Variants in ZNF529 observed in about 807,000 individuals in gnomAD.
The protein encoded by ZNF529 is zinc finger protein 529.
A neutral mutation model predicts 10.1 loss-of-function variants in ZNF529; 11 were observed. The observed-to-expected ratio is 1.09, with a 90% CI of 0.69 to 1.81. The LOEUF (loss-of-function observed/expected upper bound fraction) is 1.81. Ranked by LOEUF, ZNF529 falls within the 40% of genes most tolerant of loss-of-function variation. The pLI is 0.00. For synonymous variants in ZNF529, 204 were observed against 215.7 expected (o/e 0.95, Z 0.47); for missense variants, 624 against 666.8 (o/e 0.94, Z 0.71).
At position 36,559,455 on chromosome 19, in the gene ZNF529, T is replaced by C. The variant is rs1008905643; in HGVS notation, c.15-3258A>G. 3.9e-5 allele frequency among the ~76,000 whole-genome samples: 6 copies of C among 152,320 alleles called. No individual in the cohort carries two copies. The East Asian group carries it at 1.2e-3, about 29-fold the overall frequency. On this transcript the variant is annotated intron_variant, in intron 2 of 4. Coordinates refer to ENST00000591340, the MANE Select transcript of ZNF529 (RefSeq NM_020951.5). ...TCCTGAGTAGCTGGGATTACAGGCATGTGGCACCATGCCCAGCTAAGTTCT... is the reference window on the plus strand; with the variant it reads ...TCCTGAGTAGCTGGGATTACAGGCACGTGGCACCATGCCCAGCTAAGTTCT...
upstream of ZNF529, chr19:36,573,571 T>C: frequency 2.3e-6 from 1 of 428,592 alleles, no homozygotes; most frequent in South Asian, 1.6e-5. Flanking sequence ...GAGGACAGAA[T>C]GGGGAACAGG....
At chr19:36,566,229 A>C (rs1283681994) in intron 2 of ZNF529, among the ~76,000 whole-genome samples, 1 of 152,214 alleles carries the variant, frequency 6.6e-6, no homozygotes, top group African/African-American at 2.4e-5. Context: ...AGTGAACCTG[A>C]AAGTGGTCTT....
Position 36,548,140 on chromosome 19 carries a change from T to A in ZNF529, c.418A>T (p.Ser140Cys). The A allele has an allele frequency of 1.2e-6, 2 of 1,613,914 alleles. No individual in the cohort carries two copies. Among genetic ancestry groups the A allele is most frequent in the Non-Finnish European group, 1.7e-6 (2 of 1,179,846 alleles). Residue 140 changes from serine (S) to cysteine (C), a missense_variant, in exon 5 of 5, where the codon AGT becomes TGT. Physicochemically the swap from Ser to Cys is moderately radical, Grantham distance 112. Coordinates refer to ENST00000591340, the MANE Select transcript of ZNF529 (RefSeq NM_020951.5). ...DLQGPEVGYF[S>C]QMKIISENVP... Reference sequence around the variant, plus strand: ...TTTTCAGAGATGATTTTCATTTGACTGAAATATCCCACTTCAGGTCCTTGT... The same window carrying A: ...TTTTCAGAGATGATTTTCATTTGACAGAAATATCCCACTTCAGGTCCTTGT...
intron 4 of ZNF529, among the ~76,000 whole-genome samples, chr19:36,552,202 G>C (rs548671414): frequency 1.3e-5 from 2 of 151,984 alleles, no homozygotes; most frequent in Non-Finnish European, 2.9e-5. Flanking sequence ...AGGCCAAGGC[G>C]GGCAGATCAC....
In ZNF529 at chr19:36,546,403, A is replaced by AAAC. The variant is rs10678581; in HGVS notation, c.*460_*462dup. 0.44 allele frequency: 41,929 copies of AAAC among 95,730 alleles called. 6,327 individuals carry two copies. The highest frequency in any genetic ancestry group is 0.5 in the Non-Finnish European group (23,614 of 46,964). The allele number at this position is 95,730 out of a possible 1,614,324, so 5.9% of individuals were successfully genotyped here. A position where few individuals can be genotyped will look rare whatever the true frequency, so the allele number is the denominator to read the frequency against. On this transcript the variant is annotated 3_prime_UTR_variant, in exon 5 of 5. Transcript: ENST00000591340. ...CACTTCTATCATTTAAAACAAAACA[A>AAAC]AACAACATTACACAAAATGATGAGC...
chr19:36,571,246 A>C (rs1488412961), intron 2 of ZNF529, among the ~76,000 whole-genome samples: 3 of 152,242 alleles, frequency 2.0e-5, no homozygotes, highest in Admixed American at 1.3e-4. Context: ...AGATTTTGAA[A>C]ACTTGGTATA....
In ZNF529 at chr19:36,546,856, T is replaced by C. The variant is rs764694417; in HGVS notation, c.*10A>G. ...AAATCAGAAATAAAAAACCACTTTA[T>C]ACATTTATTTCAGTCAAATGATTTC... On this transcript the variant is annotated 3_prime_UTR_variant, in exon 5 of 5. Coordinates refer to ENST00000591340, the MANE Select transcript of ZNF529 (RefSeq NM_020951.5). 1 of 1,594,734 alleles carries C rather than the reference T, an allele frequency of 6.3e-7. No homozygotes were observed. Among genetic ancestry groups the C allele is most frequent in the Non-Finnish European group, 8.5e-7 (1 of 1,170,816 alleles).
Position 36,546,772 on chromosome 19 carries a change from A to G in ZNF529, c.*94T>C. ...GAAGTCTAAAAACAGACTTTAAGAGAGGGAGATACTGAATTGCCTTGATTA... is the reference window on the plus strand; with the variant it reads ...GAAGTCTAAAAACAGACTTTAAGAGGGGGAGATACTGAATTGCCTTGATTA... On this transcript the variant is annotated 3_prime_UTR_variant, in exon 5 of 5. Coordinates refer to ENST00000591340, the MANE Select transcript of ZNF529 (RefSeq NM_020951.5). 1 of 1,325,296 alleles carries G rather than the reference A, an allele frequency of 7.5e-7. No individual in the cohort carries two copies. Among genetic ancestry groups the G allele is most frequent in the South Asian group, 1.5e-5 (1 of 67,328 alleles). The allele number at this position is 1,325,296 out of a possible 1,614,324, so 82.1% of individuals were successfully genotyped here. A position where few individuals can be genotyped will look rare whatever the true frequency, so the allele number is the denominator to read the frequency against.
At chr19:36,572,210 A>G in intron 2 of ZNF529, 123 bp downstream of exon 2, 1 of 1,004,178 alleles carries the variant, frequency 1.0e-6, no homozygotes, top group African/African-American at 1.6e-5. Context: ...TGAATATTCA[A>G]TGAAAGGGAA....
Position 36,547,896 on chromosome 19 carries a change from T to G in ZNF529, c.662A>C (p.His221Pro). The change falls in exon 5 of 5, where the codon CAT becomes CCT. Residue 221 changes from histidine to proline, a missense_variant. Transcript: ENST00000591340. ...ATATTTACAAGGTTTCACACCAGTA[T>G]GAATATTCAGTTGTAACATACTGGA... ...DNSSMLQLNI[H>P]TGVKPCKYME... 1 of 1,612,828 alleles carries G rather than the reference T, an allele frequency of 6.2e-7. No homozygotes were observed. Among genetic ancestry groups the G allele is most frequent in the Non-Finnish European group, 8.5e-7 (1 of 1,179,224 alleles).
intron 1 of ZNF529, among the ~76,000 whole-genome samples, chr19:36,572,855 C>A (rs1302712863): frequency 6.6e-6 from 1 of 151,624 alleles, no homozygotes; most frequent in Non-Finnish European, 1.5e-5. Context: ...ATCACAGAGT[C>A]GGAAAAATGA....
At chr19:36,589,346 A>T (rs1485305444) in intron 2 of ZNF529, among the ~76,000 whole-genome samples, 2 of 152,148 alleles carry the variant, frequency 1.3e-5, no homozygotes, top group Non-Finnish European at 2.9e-5. Flanking sequence ...TTCCAGGCAG[A>T]TAGTGTCAGA....
At chr19:36,592,301 A>G (rs1313623970) in intron 1 of ZNF529, among the ~76,000 whole-genome samples, 3 of 149,040 alleles carry the variant, frequency 2.0e-5, no homozygotes, top group Non-Finnish European at 3.0e-5. Flanking sequence ...AAAAAAAAAA[A>G]AAAAAAGAAA....
chr19:36,547,685 A>G lies in ZNF529; in HGVS notation c.873T>C (p.Phe291=). 6.2e-7 allele frequency: 1 copy of G among 1,613,902 alleles called. No individual in the cohort carries two copies. The highest frequency in any genetic ancestry group is 1.1e-5 in the South Asian group (1 of 91,080). ...HFECSFCGKS[F]RVHAQLTRHQ... ...GTCGAGTAAGTTGTGCATGCACTCT[A>G]AAGGATTTCCCACAGAATGAGCATT... The change falls in exon 5 of 5, where the codon TTT becomes TTC. Residue 291 remains phenylalanine, a synonymous_variant. Coordinates refer to ENST00000591340, the MANE Select transcript of ZNF529 (RefSeq NM_020951.5).
intron 2 of ZNF529, among the ~76,000 whole-genome samples, chr19:36,558,697 T>C (rs2035569266): frequency 6.6e-6 from 1 of 151,988 alleles, no homozygotes; most frequent in East Asian, 1.9e-4. Context: ...GAAGAAAACA[T>C]AGTAAAGCTC....
intron 2 of ZNF529, among the ~76,000 whole-genome samples, chr19:36,564,312 A>G (rs1418973528): frequency 6.6e-6 from 1 of 152,172 alleles, no homozygotes; most frequent in Non-Finnish European, 1.5e-5. Flanking sequence ...AGAGTAAACA[A>G]CAACCTACAG....
upstream of ZNF529, chr19:36,605,448 T>C (rs1600383649): frequency 2.0e-5 from 3 of 152,338 alleles, no homozygotes; most frequent in Admixed American, 2.0e-4. Context: ...GCCAGGGAGG[T>C]AACCAAGAGT....
At chr19:36,584,577 G>GC (rs1027839850) in intron 2 of ZNF529, among the ~76,000 whole-genome samples, 2 of 152,008 alleles carry the variant, frequency 1.3e-5, no homozygotes, top group African/African-American at 4.8e-5. Context: ...GACCAGCCTG[G>GC]CCAACATGCT....
intron 2 of ZNF529, among the ~76,000 whole-genome samples, chr19:36,583,519 C>G (rs1165827389): frequency 7.1e-6 from 1 of 140,802 alleles, no homozygotes; most frequent in Non-Finnish European, 1.6e-5. Flanking sequence ...AAAAACAAAG[C>G]ATACCTCTGC....
Sources: gnomAD v4.1 joint callset for allele counts (sites outside exome capture counted in the v4.1 genomes callset) on GRCh38, gnomAD v4.1.1 for gene constraint, MANE v1.5 for transcripts, NCBI Gene and HGNC (gene_info 2026-07-23, HGNC 2026-07-21) for gene names.